The following KHDRBS2 variants were observed in gnomAD, a reference collection of about 807,000 sequenced individuals.
The protein encoded by KHDRBS2 is KH domain-containing, RNA-binding, signal transduction-associated protein 2.
Under a neutral mutation model 44.3 loss-of-function variants are expected in KHDRBS2, and 26 were observed. That is an observed-to-expected ratio of 0.59 (90% confidence interval 0.43 to 0.81). The LOEUF (loss-of-function observed/expected upper bound fraction) is 0.81. Among genes scored for constraint, KHDRBS2 ranks in the 40% least tolerant of loss-of-function variants. The pLI is 0.00. For synonymous variants in KHDRBS2, 194 were observed against 151.1 expected (o/e 1.28, Z -2.08); for missense variants, 476 against 433.1 (o/e 1.10, Z -0.88).
In KHDRBS2 at chr6:62,073,832, C is replaced by G. The variant is rs565890008; in HGVS notation, c.220-25838G>C. Among the ~76,000 whole-genome samples the G allele has an allele frequency of 2.0e-5, 3 of 151,778 alleles. No homozygotes were observed. In the East Asian group the frequency reaches 5.9e-4, roughly 30 times the overall value. The stretch of plus-strand genomic sequence containing the variant: ...CACCAAGATCGACATTAGTTGTCAA[C>G]AATCTAAATCATGTATTTCTCCACT... On this transcript the variant is annotated intron_variant, in intron 2 of 8. Coordinates refer to ENST00000281156, the MANE Select transcript of KHDRBS2 (RefSeq NM_152688.4).
At chr6:62,186,079 G>A (rs561893917) in intron 1 of KHDRBS2, among the ~76,000 whole-genome samples, 75 of 152,136 alleles carry the variant, frequency 4.9e-4, no homozygotes, top group Non-Finnish European at 8.7e-4. Flanking sequence ...TCTGGATACA[G>A]TATTGTATCT....
chr6:61,967,971 CAT>C (rs1770489412), intron 4 of KHDRBS2, among the ~76,000 whole-genome samples: 1 of 146,198 alleles, frequency 6.8e-6, no homozygotes, highest in Non-Finnish European at 1.5e-5. Context: ...CACACACACA[CAT>C]GCACACACAC....
intron 6 of KHDRBS2, among the ~76,000 whole-genome samples, chr6:61,763,108 A>G (rs936322812): frequency 2.6e-5 from 4 of 152,082 alleles, no homozygotes; most frequent in African/African-American, 7.2e-5. Context: ...AATTCCCATC[A>G]TATGTGATCT....
intron 7 of KHDRBS2, among the ~76,000 whole-genome samples, chr6:61,728,419 A>T (rs1271769641): frequency 6.6e-6 from 1 of 152,106 alleles, no homozygotes; most frequent in African/African-American, 2.4e-5. Flanking sequence ...ACACCTGAAC[A>T]TCCTGCACAT....
intron 2 of KHDRBS2, among the ~76,000 whole-genome samples, chr6:62,093,472 T>G (rs1481867861): frequency 6.6e-6 from 1 of 151,992 alleles, no homozygotes; most frequent in Admixed American, 6.6e-5. Flanking sequence ...TAAACATTTA[T>G]CATTTCTTTG....
At chr6:61,790,159 A>T (rs1357817849) in intron 6 of KHDRBS2, among the ~76,000 whole-genome samples, 1 of 151,438 alleles carries the variant, frequency 6.6e-6, no homozygotes, top group East Asian at 1.9e-4. Flanking sequence ...GGTGCTTTTC[A>T]GAAGATGTCT....
At chr6:61,646,332 C>T in the KHDRBS2 span, among the ~76,000 whole-genome samples, 1 of 152,254 alleles carries the variant, frequency 6.6e-6, no homozygotes, top group South Asian at 2.1e-4. Flanking sequence ...TCTCTTAACA[C>T]AGTTTGTGTC....
intron 6 of KHDRBS2, among the ~76,000 whole-genome samples, chr6:61,827,719 C>G (rs505856): frequency 0.15 from 22,080 of 152,088 alleles, 2,234 homozygotes; most frequent in South Asian, 0.26. Context: ...TGAGGACTCT[C>G]TTTCTGGCCT....
chr6:62,177,448 G>T (rs1821376049), intron 1 of KHDRBS2, 136 bp from the exon 2 acceptor site: 6 of 645,568 alleles, frequency 9.3e-6, no homozygotes, highest in African/African-American at 1.8e-5. Flanking sequence ...TTGATAAAAG[G>T]CCTGAAACAG....
At chr6:61,697,753 G>C (rs1223114148) in intron 7 of KHDRBS2, among the ~76,000 whole-genome samples, 1 of 151,900 alleles carries the variant, frequency 6.6e-6, no homozygotes, top group African/African-American at 2.4e-5. Context: ...TCGATATTTT[G>C]CTAGATGCTT....
chr6:61,597,996 G>A, the KHDRBS2 span, among the ~76,000 whole-genome samples: 1 of 149,280 alleles, frequency 6.7e-6, no homozygotes, highest in Non-Finnish European at 1.5e-5. Flanking sequence ...TATCTAAGGA[G>A]CAAATATTTT....
chr6:62,065,073 C>T (rs537853852), intron 2 of KHDRBS2, among the ~76,000 whole-genome samples: 1 of 152,212 alleles, frequency 6.6e-6, no homozygotes, highest in Admixed American at 6.5e-5. Flanking sequence ...CAAATCAAAA[C>T]CACAATGAGA....
chr6:61,958,535 A>G (rs536837293), intron 4 of KHDRBS2, among the ~76,000 whole-genome samples: 20 of 152,198 alleles, frequency 1.3e-4, no homozygotes, highest in Non-Finnish European at 2.8e-4. Context: ...CCTCTCACCA[A>G]CAGTGATATT....
the KHDRBS2 span, among the ~76,000 whole-genome samples, chr6:61,572,918 A>T: frequency 6.6e-6 from 1 of 152,204 alleles, no homozygotes; most frequent in Non-Finnish European, 1.5e-5. Context: ...CAAGACAAGG[A>T]TGCCCACTTT....
At chr6:61,846,448 C>T (rs1439178949) in intron 6 of KHDRBS2, among the ~76,000 whole-genome samples, 6 of 152,110 alleles carry the variant, frequency 3.9e-5, no homozygotes, top group Non-Finnish European at 5.9e-5. Context: ...CTTTCCTGAT[C>T]GGTTACCTAG....
chr6:61,956,481 G>C (rs1210482909), intron 4 of KHDRBS2, among the ~76,000 whole-genome samples: 3 of 152,110 alleles, frequency 2.0e-5, no homozygotes, highest in Non-Finnish European at 4.4e-5. Context: ...CCTTCAGCCA[G>C]TACATCTTTT....
At chr6:61,623,565 A>G in the KHDRBS2 span, among the ~76,000 whole-genome samples, 1 of 152,204 alleles carries the variant, frequency 6.6e-6, no homozygotes, top group Non-Finnish European at 1.5e-5. Flanking sequence ...TGGACCCAGA[A>G]ATCATAAAGT....
chr6:62,257,296 T>C (rs1459157512), intron 1 of KHDRBS2, among the ~76,000 whole-genome samples: 1 of 152,070 alleles, frequency 6.6e-6, no homozygotes, highest in African/African-American at 2.4e-5. Flanking sequence ...GTTAAATGGA[T>C]TTAAGGAAAT....
intron 2 of KHDRBS2, among the ~76,000 whole-genome samples, chr6:62,145,783 T>G (rs1017438956): frequency 6.6e-6 from 1 of 151,842 alleles, no homozygotes; most frequent in Non-Finnish European, 1.5e-5. Flanking sequence ...ACTTTTTGAG[T>G]GCTGACGTGA....
Sources: allele counts gnomAD v4.1 joint callset (sites outside exome capture counted in the v4.1 genomes callset), GRCh38; gene constraint gnomAD v4.1.1; transcripts MANE v1.5; gene names NCBI Gene and HGNC (gene_info 2026-07-23, HGNC 2026-07-21).